The following ZNF385D variants were observed in gnomAD, a reference collection of about 807,000 sequenced individuals.
ZNF385D encodes zinc finger protein 385D, also known as zinc finger protein 659.
ZNF385D carries 15 observed loss-of-function variants against 35.8 expected under a neutral mutation model. The observed-to-expected ratio is 0.42, with a 90% CI of 0.28 to 0.64. ZNF385D has a LOEUF of 0.64. Ranked by LOEUF, ZNF385D falls within the 30% of genes least tolerant of loss-of-function variation. The probability of loss-of-function intolerance (pLI) is 0.23; values close to 1 mark genes in which losing one functional copy is unlikely to be tolerated. For missense variants in ZNF385D, 474 were observed against 494.6 expected (o/e 0.96, Z 0.39); for synonymous variants, 212 against 186.8 (o/e 1.13, Z -1.10).
At chr3:22,089,964 G>A (rs773242855) in intron 3 of ZNF385D, among the ~76,000 whole-genome samples, 1 of 151,926 alleles carries the variant, frequency 6.6e-6, no homozygotes, top group Non-Finnish European at 1.5e-5. Flanking sequence ...TCAGCCTCTC[G>A]AGTAGCTGGG....
At chr3:21,751,385 A>ACCGCC, upstream of ZNF385D, 2 of 1,019,634 alleles carry the variant, frequency 2.0e-6, no homozygotes, top group Non-Finnish European at 1.2e-6. Context: ...TCTTAAAGCG[A>ACCGCC]GAAGAGTGTC....
intron 3 of ZNF385D, among the ~76,000 whole-genome samples, chr3:21,833,769 A>T (rs2125770175): frequency 6.6e-6 from 1 of 152,254 alleles, no homozygotes; most frequent in Admixed American, 6.5e-5. Context: ...CAATCAATTA[A>T]TCTCCCTGGC....
intron 3 of ZNF385D, among the ~76,000 whole-genome samples, chr3:21,827,849 T>G (rs1406990218): frequency 6.6e-6 from 1 of 152,228 alleles, no homozygotes; most frequent in Non-Finnish European, 1.5e-5. Flanking sequence ...AATACATAGT[T>G]CAGAAAGAAA....
intron 3 of ZNF385D, among the ~76,000 whole-genome samples, chr3:22,166,257 TG>T (rs1439501177): frequency 2.6e-5 from 4 of 152,172 alleles, no homozygotes; most frequent in Non-Finnish European, 5.9e-5. Flanking sequence ...TAAAACGTCT[TG>T]GGGAAAAAAT....
At chr3:21,732,030 G>GTTTTTTTTTTTTTTTTTTT (rs1214143626) in intron 1 of ZNF385D, among the ~76,000 whole-genome samples, 2 of 37,396 alleles carry the variant, frequency 5.3e-5, no homozygotes, top group Middle Eastern at 0.023. Context: ...TTTTTTCGGG[G>GTTTTTTTTTTTTTTTTTTT]TTTTTTTTTT....
intron 3 of ZNF385D, among the ~76,000 whole-genome samples, chr3:21,867,677 A>G (rs1217537510): frequency 6.6e-6 from 1 of 151,908 alleles, no homozygotes; most frequent in Non-Finnish European, 1.5e-5. Flanking sequence ...TTGCCATTTT[A>G]TTAGCTTATA....
intron 3 of ZNF385D, among the ~76,000 whole-genome samples, chr3:22,005,939 ATATT>A (rs1044488826): frequency 3.3e-5 from 5 of 152,118 alleles, no homozygotes; most frequent in Admixed American, 6.5e-5. Flanking sequence ...CTATTCACAG[ATATT>A]TAAAGTTCTG....
intron 3 of ZNF385D, among the ~76,000 whole-genome samples, chr3:21,834,409 C>G (rs1457999670): frequency 6.6e-6 from 1 of 152,126 alleles, no homozygotes; most frequent in Non-Finnish European, 1.5e-5. Flanking sequence ...TTTTGCTTAT[C>G]TGGAAAAGAC....
At chr3:22,224,195 G>A (rs2638142) in intron 2 of ZNF385D, among the ~76,000 whole-genome samples, 132,683 of 152,196 alleles carry the variant, frequency 0.87, 58,181 homozygotes, top group East Asian at 0.97. Flanking sequence ...AATGAATTCA[G>A]TACAGGTAGA....
intron 3 of ZNF385D, among the ~76,000 whole-genome samples, chr3:22,126,112 G>C (rs188716771): frequency 2.6e-4 from 40 of 152,062 alleles, no homozygotes; most frequent in Admixed American, 2.0e-3. Context: ...TTGAGGGATT[G>C]TATCATGAAG....
intron 3 of ZNF385D, among the ~76,000 whole-genome samples, chr3:21,945,130 A>G (rs1295084857): frequency 1.3e-5 from 2 of 150,498 alleles, no homozygotes; most frequent in Admixed American, 6.8e-5. Flanking sequence ...ACGTGTGTGT[A>G]TATATATGTA....
At chr3:21,439,147 A>C (rs955967073) in intron 4 of ZNF385D, among the ~76,000 whole-genome samples, 4 of 152,148 alleles carry the variant, frequency 2.6e-5, no homozygotes, top group South Asian at 2.1e-4. Context: ...TTATTGTATA[A>C]ATTGTATGTA....
At chr3:22,093,402 T>G (rs1701432687) in intron 3 of ZNF385D, among the ~76,000 whole-genome samples, 1 of 151,768 alleles carries the variant, frequency 6.6e-6, no homozygotes. Context: ...GCAATTTAAG[T>G]AAAACATTAA....
intron 2 of ZNF385D, among the ~76,000 whole-genome samples, chr3:22,350,592 A>C (rs991588039): frequency 6.6e-6 from 1 of 152,132 alleles, no homozygotes; most frequent in Admixed American, 6.5e-5. Flanking sequence ...TATGTACAAA[A>C]TATCACCTAG....
intron 2 of ZNF385D, among the ~76,000 whole-genome samples, chr3:21,570,072 A>AATAAT (rs2063287066): frequency 6.0e-5 from 9 of 151,034 alleles, no homozygotes; most frequent in African/African-American, 2.0e-4. Context: ...ATAATAATAA[A>AATAAT]AAAAATTACA....
chr3:21,936,540 T>C (rs1273418016), intron 3 of ZNF385D, among the ~76,000 whole-genome samples: 4 of 152,124 alleles, frequency 2.6e-5, no homozygotes, highest in African/African-American at 9.6e-5. Context: ...CACATAGTTT[T>C]TTTTATAGCA....
chr3:21,749,478 T>C (rs2069952172), intron 1 of ZNF385D, among the ~76,000 whole-genome samples: 1 of 152,232 alleles, frequency 6.6e-6, no homozygotes, highest in Non-Finnish European at 1.5e-5. Context: ...ATGCTGAAAT[T>C]GTATTTTGTC....
intron 3 of ZNF385D, among the ~76,000 whole-genome samples, chr3:21,813,818 C>T (rs1259343594): frequency 6.6e-6 from 1 of 152,118 alleles, no homozygotes; most frequent in East Asian, 1.9e-4. Flanking sequence ...TCTAGCAAGG[C>T]AGGCCAACAT....
In ZNF385D at chr3:21,420,151, C is replaced by G. The variant is rs1169704999; in HGVS notation, c.*1063G>C. The G allele has an allele frequency of 3.3e-5, 5 of 152,134 alleles. No individual in the cohort carries two copies. The highest frequency in any genetic ancestry group is 7.4e-5 in the Non-Finnish European group (5 of 68,024). 9.4% of individuals were successfully genotyped at this position (152,134 alleles called of 1,614,324 possible). ...CCATAAAAATAGCTAATGCTTAATT[C>G]TACCATCATACTTAAAGCAGAAACC... On this transcript the variant is annotated 3_prime_UTR_variant, in exon 8 of 8. Coordinates refer to ENST00000281523, the MANE Select transcript of ZNF385D (RefSeq NM_024697.3).
Sources: allele counts gnomAD v4.1 joint callset (sites outside exome capture counted in the v4.1 genomes callset), GRCh38; gene constraint gnomAD v4.1.1; transcripts MANE v1.5; gene names NCBI Gene and HGNC (gene_info 2026-07-23, HGNC 2026-07-21).